Variants in FNIP1 observed in about 807,000 individuals in gnomAD.
FNIP1 encodes the protein folliculin interacting protein 1.
In FNIP1, 40 loss-of-function variants were observed where a neutral mutation model predicts 124.5. The ratio of observed to expected loss-of-function variants is 0.32; its 90% confidence interval spans 0.25 to 0.42. The LOEUF (loss-of-function observed/expected upper bound fraction) is 0.42, where lower values mean the gene tolerates loss of function less well. Among genes scored for constraint, FNIP1 ranks in the 10% least tolerant of loss-of-function variants. The pLI, the probability that FNIP1 is intolerant of heterozygous loss-of-function variation, is 1.00. For synonymous variants in FNIP1, 472 were observed against 470.6 expected, an observed-to-expected ratio of 1.00 and a Z score of -0.04; for missense variants, 1,176 against 1,403.7, an observed-to-expected ratio of 0.84 and a Z score of 2.59.
chr5:131,647,480 G>C (rs374628697), intron 16 of FNIP1, among the ~76,000 whole-genome samples: 70 of 143,510 alleles, frequency 4.9e-4, no homozygotes, highest in Middle Eastern at 3.5e-3. Context: ...TTTTTTGTTT[G>C]TTTTTTGTTT....
chr5:131,796,551 C>T (rs1054853314), intron 1 of FNIP1: 1 of 503,168 alleles, frequency 2.0e-6, no homozygotes. Context: ...GTGCTAGGTC[C>T]GGAGGAGCAG....
At chr5:131,702,408 G>A (rs1768933339) in intron 10 of FNIP1, among the ~76,000 whole-genome samples, 1 of 151,890 alleles carries the variant, frequency 6.6e-6, no homozygotes, top group African/African-American at 2.4e-5. Context: ...TTTTTTAAAT[G>A]GGCATATAAT....
intron 1 of FNIP1, among the ~76,000 whole-genome samples, chr5:131,777,721 A>T (rs2149581855): frequency 6.6e-6 from 1 of 152,344 alleles, no homozygotes; most frequent in South Asian, 2.1e-4. Flanking sequence ...AATGCAAACT[A>T]TCAAATCATT....
chr5:131,679,246 T>C, intron 11 of FNIP1, 71 bp from the exon 12 acceptor site: 1 of 910,158 alleles, frequency 1.1e-6, no homozygotes, highest in Non-Finnish European at 1.8e-6. Context: ...AATTTTAAGT[T>C]TATATTGCCA....
At chr5:131,788,764 CTCTT>C (rs1215510145) in intron 1 of FNIP1, among the ~76,000 whole-genome samples, 1 of 147,604 alleles carries the variant, frequency 6.8e-6, no homozygotes, top group Non-Finnish European at 1.5e-5. Flanking sequence ...CTGTATTTTT[CTCTT>C]TTTTTCAATA....
chr5:131,790,185 A>G (rs539576940), intron 1 of FNIP1, among the ~76,000 whole-genome samples: 175 of 152,324 alleles, frequency 1.1e-3, no homozygotes, highest in African/African-American at 4.1e-3. Flanking sequence ...ATAATAAATT[A>G]TTAAAAGAGC....
At chr5:131,786,621 G>A (rs1038672928) in intron 1 of FNIP1, among the ~76,000 whole-genome samples, 1 of 152,162 alleles carries the variant, frequency 6.6e-6, no homozygotes, top group African/African-American at 2.4e-5. Flanking sequence ...AATCCTCAAT[G>A]CAACAATTTT....
chr5:131,642,047 AGTT>A lies in FNIP1; in HGVS notation c.*2635_*2637del, dbSNP rs1306328426. ...AGAAATATTTAAAATCAAACCAATT[AGTT>A]TATATACAAGAAAAAATTAGTTTTA... On this transcript the variant is annotated 3_prime_UTR_variant, in exon 18 of 18. Transcript: ENST00000510461. 1 of 152,712 alleles carries A rather than the reference AGTT, an allele frequency of 6.5e-6. No individual in the cohort carries two copies. The highest frequency in any genetic ancestry group is 2.4e-5 in the African/African-American group (1 of 41,472). 9.5% of individuals were successfully genotyped at this position (152,712 alleles called of 1,614,324 possible). A position where few individuals can be genotyped will look rare whatever the true frequency, so the allele number is the denominator to read the frequency against.
intron 15 of FNIP1, among the ~76,000 whole-genome samples, chr5:131,656,967 C>T (rs547380818): frequency 1.4e-5 from 2 of 147,130 alleles, no homozygotes; most frequent in East Asian, 2.0e-4. Context: ...GATAGTAGAA[C>T]AAGAAAGCCT....
intron 1 of FNIP1, among the ~76,000 whole-genome samples, chr5:131,758,838 C>T (rs562745761): frequency 5.3e-5 from 8 of 151,874 alleles, no homozygotes; most frequent in South Asian, 2.1e-4. Context: ...ATTCTCAATG[C>T]GGGCAAGATC....
chr5:131,665,594 G>GTT (rs1258920994), intron 15 of FNIP1, among the ~76,000 whole-genome samples: 6 of 139,474 alleles, frequency 4.3e-5, no homozygotes, highest in Non-Finnish European at 6.3e-5. Flanking sequence ...ATATAGATAG[G>GTT]TTTTTTTTTT....
intron 11 of FNIP1, among the ~76,000 whole-genome samples, chr5:131,693,335 T>C (rs866155821): frequency 5.1e-5 from 5 of 97,986 alleles, no homozygotes; most frequent in South Asian, 5.8e-4. Flanking sequence ...TATATATACA[T>C]ATATATATAT....
At chr5:131,695,582 G>T (rs1200176678) in intron 11 of FNIP1, among the ~76,000 whole-genome samples, 1 of 152,058 alleles carries the variant, frequency 6.6e-6, no homozygotes, top group Non-Finnish European at 1.5e-5. Context: ...AAAGAATAAG[G>T]TCTAGATTAA....
At chr5:131,696,782 G>C (rs2149528591) in intron 11 of FNIP1, among the ~76,000 whole-genome samples, 2 of 152,072 alleles carry the variant, frequency 1.3e-5, no homozygotes, top group South Asian at 4.1e-4. Context: ...AATTCTCTCT[G>C]TTTTTCTCTA....
rs1243524706 is a variant in FNIP1, at chr5:131,644,761, A to G, written c.3425T>C (p.Ile1142Thr). 2 of 1,613,636 alleles carry G rather than the reference A, an allele frequency of 1.2e-6. No homozygotes were observed. Among genetic ancestry groups the G allele is most frequent in the Non-Finnish European group, 1.7e-6 (2 of 1,179,812 alleles). Residue 1142 changes from isoleucine to threonine, a missense_variant and splice_region_variant, in exon 18 of 18, where the codon ATT becomes ACT. By Grantham distance (89) the Ile-to-Thr change is moderately conservative. Coordinates refer to ENST00000510461, the MANE Select transcript of FNIP1 (RefSeq NM_133372.3). ...CAGAAGTGGAAGATCACTGGATTCAATCCTGAAATAAAGGGGAAAAAAATG... is the reference window on the plus strand; with the variant it reads ...CAGAAGTGGAAGATCACTGGATTCAGTCCTGAAATAAAGGGGAAAAAAATG... ...HVKELGVVLG[I>T]ESSDLPLLAA...
chr5:131,753,195 C>T (rs569758689), intron 1 of FNIP1, among the ~76,000 whole-genome samples: 2 of 152,270 alleles, frequency 1.3e-5, no homozygotes, highest in South Asian at 4.1e-4. Flanking sequence ...AACTCCCATA[C>T]ATTGTTAGTA....
chr5:131,751,104 C>G (rs1487257819), intron 1 of FNIP1, among the ~76,000 whole-genome samples: 1 of 152,126 alleles, frequency 6.6e-6, no homozygotes, highest in Non-Finnish European at 1.5e-5. Flanking sequence ...TGGGCTGGCC[C>G]AGATCTGCCT....
rs528340171 is a variant in FNIP1 at position 131,665,004 on chromosome 5, T to TAC, written c.3108+5457_3108+5458dup. Among the ~76,000 whole-genome samples the TAC allele has an allele frequency of 1.6e-3, 240 of 151,804 alleles. 1 individual carries two copies. Among genetic ancestry groups the TAC allele is most frequent in the Admixed American group, 3.2e-3 (48 of 15,230 alleles). ...TAAATATTGTGTATTTACACAGATATACACAAGCATATCATTTTATATATA... is the reference window on the plus strand; with the variant it reads ...TAAATATTGTGTATTTACACAGATATACACACAAGCATATCATTTTATATATA... On this transcript the variant is annotated intron_variant, in intron 15 of 17. Transcript: ENST00000510461.
intron 14 of FNIP1, 72 bp from the exon 15 acceptor site, chr5:131,670,703 G>C (rs7730296): frequency 0.045 from 42,803 of 950,446 alleles, 1,888 homozygotes; most frequent in African/African-American, 0.21. Context: ...AAAAAAAAAA[G>C]TGAATTCTAC....
Sources: gnomAD v4.1 joint callset for allele counts (sites outside exome capture counted in the v4.1 genomes callset) on GRCh38, gnomAD v4.1.1 for gene constraint, MANE v1.5 for transcripts, NCBI Gene and HGNC (gene_info 2026-07-23, HGNC 2026-07-21) for gene names.